The following ASTN2 variants were observed in gnomAD, a reference collection of about 807,000 sequenced individuals.
The protein encoded by ASTN2 is astrotactin 2.
ASTN2 carries 54 observed loss-of-function variants against 139.8 expected under a neutral mutation model. That is an observed-to-expected ratio of 0.39 (90% CI 0.31 to 0.48). The LOEUF is 0.48. Among genes scored for constraint, ASTN2 ranks in the 20% least tolerant of loss-of-function variants. The pLI, the probability that ASTN2 is intolerant of heterozygous loss-of-function variation, is 0.95. For missense variants in ASTN2, 1,565 were observed against 1,725.1 expected, an observed-to-expected ratio of 0.91 and a Z score of 1.64; for synonymous variants, 756 against 719.5, an observed-to-expected ratio of 1.05 and a Z score of -0.81.
intron 1 of ASTN2, among the ~76,000 whole-genome samples, chr9:117,331,291 T>C (rs1295089682): frequency 6.6e-6 from 1 of 152,140 alleles, no homozygotes; most frequent in African/African-American, 2.4e-5. Flanking sequence ...TGCCTTCCTC[T>C]TTCCCTTCTG....
At chr9:116,439,437 T>A (rs1013339128) in intron 22 of ASTN2, among the ~76,000 whole-genome samples, 2 of 139,646 alleles carry the variant, frequency 1.4e-5, no homozygotes, top group African/African-American at 3.0e-5. Context: ...CCTGACCTCG[T>A]GATCCGCCCG....
chr9:117,074,606 G>T (rs1454582303), intron 5 of ASTN2, among the ~76,000 whole-genome samples: 1 of 152,148 alleles, frequency 6.6e-6, no homozygotes, highest in East Asian at 1.9e-4. Context: ...GGCAGGATGC[G>T]CTGTCAGAAC....
At chr9:116,795,711 A>T (rs1830671641) in intron 13 of ASTN2, among the ~76,000 whole-genome samples, 1 of 152,166 alleles carries the variant, frequency 6.6e-6, no homozygotes, top group Non-Finnish European at 1.5e-5. Context: ...AAAAAAACCC[A>T]TCTTCATCTG....
rs373948750 is a variant in ASTN2 at position 116,819,583 on chromosome 9, C to T, written c.2207+1034G>A. Among the ~76,000 whole-genome samples the T allele has an allele frequency of 2.0e-5, 3 of 152,216 alleles. No homozygotes were observed. The East Asian group carries it at 5.8e-4, about 30-fold the overall frequency. ...TGGTAAACTGGAATTAAACCCATGC[C>T]CACACTCACCCCCTATTTGTGAAAC... On this transcript the variant is annotated intron_variant, in intron 12 of 22. Coordinates refer to ENST00000313400, the MANE Select transcript of ASTN2 (RefSeq NM_001365068.1).
intron 12 of ASTN2, among the ~76,000 whole-genome samples, chr9:116,816,437 G>A (rs536265700): frequency 2.0e-5 from 3 of 152,278 alleles, no homozygotes; most frequent in South Asian, 2.1e-4. Context: ...ACCCAGTGAG[G>A]CTTAGGCACC....
chr9:116,830,440 A>G (rs1831773607), intron 11 of ASTN2, among the ~76,000 whole-genome samples: 1 of 152,152 alleles, frequency 6.6e-6, no homozygotes, highest in South Asian at 2.1e-4. Context: ...CTAAAAACAG[A>G]ACTACCATTC....
chr9:116,494,841 A>G (rs1437231510), intron 19 of ASTN2, among the ~76,000 whole-genome samples: 1 of 152,188 alleles, frequency 6.6e-6, no homozygotes, highest in African/African-American at 2.4e-5. Context: ...TGCCTTTCCT[A>G]CTGCACATTT....
intron 1 of ASTN2, among the ~76,000 whole-genome samples, chr9:117,302,291 T>C (rs183765687): frequency 7.2e-5 from 11 of 152,186 alleles, no homozygotes; most frequent in African/African-American, 2.4e-4. Context: ...TGTAAAGGGA[T>C]AGAGATCAAT....
chr9:116,862,225 G>T (rs1389856192), intron 11 of ASTN2, among the ~76,000 whole-genome samples: 6 of 152,096 alleles, frequency 3.9e-5, no homozygotes, highest in Non-Finnish European at 8.8e-5. Flanking sequence ...TCTCCCTTGG[G>T]TCTTGTTCAG....
chr9:117,298,914 T>G (rs576755785), intron 1 of ASTN2, among the ~76,000 whole-genome samples: 1 of 152,120 alleles, frequency 6.6e-6, no homozygotes, highest in South Asian at 2.1e-4. Flanking sequence ...AGATGAGTGT[T>G]TCCAGAGGAC....
intron 5 of ASTN2, among the ~76,000 whole-genome samples, chr9:117,067,313 T>A: frequency 7.2e-6 from 1 of 138,896 alleles, no homozygotes; most frequent in African/African-American, 2.5e-5. Flanking sequence ...GATCAGACAG[T>A]TGTAGGTATG....
chr9:117,267,007 G>A (rs1051126585), intron 2 of ASTN2, among the ~76,000 whole-genome samples: 1 of 152,152 alleles, frequency 6.6e-6, no homozygotes, highest in African/African-American at 2.4e-5. Flanking sequence ...CTTGAGAGTG[G>A]AGAAACCTGG....
chr9:116,800,737 G>A (rs190535480), intron 13 of ASTN2, among the ~76,000 whole-genome samples: 2 of 152,322 alleles, frequency 1.3e-5, no homozygotes, highest in African/African-American at 4.8e-5. Context: ...CAGCATGAGA[G>A]GAGTTCCAAT....
chr9:117,019,939 A>C (rs1837825210), intron 6 of ASTN2, among the ~76,000 whole-genome samples: 1 of 152,042 alleles, frequency 6.6e-6, no homozygotes, highest in South Asian at 2.1e-4. Flanking sequence ...AGTTGCCCGA[A>C]AATAGATAAA....
At chr9:116,658,957 G>A (rs1169559690) in intron 16 of ASTN2, among the ~76,000 whole-genome samples, 1 of 152,014 alleles carries the variant, frequency 6.6e-6, no homozygotes, top group Non-Finnish European at 1.5e-5. Context: ...CGATGGTGCT[G>A]CTGCCTATTC....
chr9:117,091,198 C>T (rs183796921), intron 5 of ASTN2, among the ~76,000 whole-genome samples: 1 of 152,318 alleles, frequency 6.6e-6, no homozygotes, highest in African/African-American at 2.4e-5. Flanking sequence ...AGGTGGCAGA[C>T]AGAAAATCAG....
At chr9:116,822,294 G>T (rs187284326) in intron 11 of ASTN2, among the ~76,000 whole-genome samples, 1 of 152,110 alleles carries the variant, frequency 6.6e-6, no homozygotes, top group African/African-American at 2.4e-5. Flanking sequence ...TGAGACTGGC[G>T]CCAGGAAGAG....
chr9:117,072,758 A>G (rs1828169229), intron 5 of ASTN2, among the ~76,000 whole-genome samples: 2 of 152,184 alleles, frequency 1.3e-5, no homozygotes. Context: ...GGGTGAAACT[A>G]AGGTATATAG....
At chr9:117,115,928 G>A (rs1472366510) in intron 4 of ASTN2, among the ~76,000 whole-genome samples, 2 of 151,892 alleles carry the variant, frequency 1.3e-5, no homozygotes, top group Non-Finnish European at 2.9e-5. Flanking sequence ...GGCAGGCTGA[G>A]GCAGGAGAAT....
Sources: allele counts gnomAD v4.1 joint callset (sites outside exome capture counted in the v4.1 genomes callset), GRCh38; gene constraint gnomAD v4.1.1; transcripts MANE v1.5; gene names NCBI Gene and HGNC (gene_info 2026-07-23, HGNC 2026-07-21).